ALK: variants seen among roughly 807,000 people sequenced by gnomAD.
The protein encoded by ALK is ALK receptor tyrosine kinase.
A neutral mutation model predicts 163.1 loss-of-function variants in ALK; 74 were observed. That is an observed-to-expected ratio of 0.45 (90% CI 0.38 to 0.55). The LOEUF (loss-of-function observed/expected upper bound fraction) is 0.55. ALK is among the 20% of genes least tolerant of loss of function. The pLI is 0.00. For missense variants in ALK, 2,063 were observed against 2,105.3 expected, an observed-to-expected ratio of 0.98 and a Z score of 0.39; for synonymous variants, 960 against 843.2, an observed-to-expected ratio of 1.14 and a Z score of -2.40.
At chr2:29,898,573 C>T (rs1278173926) in intron 1 of ALK, among the ~76,000 whole-genome samples, 2 of 152,186 alleles carry the variant, frequency 1.3e-5, no homozygotes, top group African/African-American at 2.4e-5. Context: ...TTTTCATTAA[C>T]TTCAAGTTCA....
chr2:29,730,195 G>C (rs957782691), intron 1 of ALK, among the ~76,000 whole-genome samples: 4 of 152,198 alleles, frequency 2.6e-5, no homozygotes, highest in Non-Finnish European at 2.9e-5. Context: ...GGCCTACGGG[G>C]ATTTGGGAGA....
chr2:29,389,651 G>T (rs1669114081), intron 4 of ALK, among the ~76,000 whole-genome samples: 1 of 152,192 alleles, frequency 6.6e-6, no homozygotes, highest in Non-Finnish European at 1.5e-5. Flanking sequence ...TGTTAAATCA[G>T]ACGAGTTTCT....
intron 4 of ALK, among the ~76,000 whole-genome samples, chr2:29,430,246 A>C (rs1161709297): frequency 6.6e-6 from 1 of 152,214 alleles, no homozygotes; most frequent in Non-Finnish European, 1.5e-5. Context: ...GCATACCATC[A>C]GGAAACTGAA....
At chr2:29,776,155 G>C (rs980367800) in intron 1 of ALK, among the ~76,000 whole-genome samples, 4 of 149,976 alleles carry the variant, frequency 2.7e-5, no homozygotes, top group Non-Finnish European at 4.4e-5. Context: ...GACCTTCCTG[G>C]AAGAAGCATG....
At chr2:29,277,595 C>T (rs916250847) in intron 9 of ALK, among the ~76,000 whole-genome samples, 2 of 152,204 alleles carry the variant, frequency 1.3e-5, no homozygotes, top group Non-Finnish European at 2.9e-5. Context: ...CTGTTGTAGC[C>T]GTGGCCAGCA....
intron 3 of ALK, among the ~76,000 whole-genome samples, chr2:29,679,672 A>G (rs999986251): frequency 9.2e-5 from 14 of 152,094 alleles, no homozygotes; most frequent in Non-Finnish European, 1.8e-4. Context: ...ACCCAACAAT[A>G]TAGTTTTATA....
intron 4 of ALK, among the ~76,000 whole-genome samples, chr2:29,530,167 C>T (rs1486688835): frequency 6.7e-6 from 1 of 150,100 alleles, no homozygotes; most frequent in East Asian, 2.0e-4. Flanking sequence ...GGAAAGAGTC[C>T]AGTTTGGACC....
chr2:29,267,837 C>A (rs1665260068), intron 11 of ALK, among the ~76,000 whole-genome samples: 2 of 152,170 alleles, frequency 1.3e-5, no homozygotes, highest in Admixed American at 1.3e-4. Flanking sequence ...GCAGAAGCAG[C>A]AAGTCTGAGA....
At chr2:29,914,399 A>C (rs1667778639) in intron 1 of ALK, among the ~76,000 whole-genome samples, 1 of 152,242 alleles carries the variant, frequency 6.6e-6, no homozygotes, top group Non-Finnish European at 1.5e-5. Flanking sequence ...TTACAACTCC[A>C]GATGGCACCA....
At chr2:29,901,992 T>C (rs1667424718) in intron 1 of ALK, among the ~76,000 whole-genome samples, 1 of 152,186 alleles carries the variant, frequency 6.6e-6, no homozygotes, top group African/African-American at 2.4e-5. Context: ...TAATCCATAA[T>C]TCAGCAAGCT....
intron 2 of ALK, among the ~76,000 whole-genome samples, chr2:29,711,799 G>A (rs938968333): frequency 1.3e-5 from 2 of 152,144 alleles, no homozygotes; most frequent in East Asian, 3.9e-4. Flanking sequence ...CTCTTTCCCT[G>A]TGTGTCTCTC....
intron 2 of ALK, among the ~76,000 whole-genome samples, chr2:29,711,690 C>T (rs1224221749): frequency 6.6e-6 from 1 of 152,002 alleles, no homozygotes; most frequent in African/African-American, 2.4e-5. Context: ...AAGGAGCCAC[C>T]TGCCCAGGGG....
chr2:29,425,362 G>A (rs1368871407), intron 4 of ALK, among the ~76,000 whole-genome samples: 1 of 152,090 alleles, frequency 6.6e-6, no homozygotes, highest in Non-Finnish European at 1.5e-5. Context: ...TACCCAGGAG[G>A]GACAGGCTAT....
At chr2:29,482,357 T>A (rs1293054983) in intron 4 of ALK, among the ~76,000 whole-genome samples, 2 of 152,188 alleles carry the variant, frequency 1.3e-5, no homozygotes, top group African/African-American at 2.4e-5. Context: ...GGATTCTGTG[T>A]ATGAAAGTGG....
At chr2:29,495,526 C>A (rs1427493990) in intron 4 of ALK, among the ~76,000 whole-genome samples, 1 of 152,092 alleles carries the variant, frequency 6.6e-6, no homozygotes, top group Non-Finnish European at 1.5e-5. Flanking sequence ...AGTTACTAGC[C>A]CTGGTGGTTT....
chr2:29,374,290 A>T (rs1344874617), intron 5 of ALK, among the ~76,000 whole-genome samples: 2 of 152,092 alleles, frequency 1.3e-5, no homozygotes, highest in African/African-American at 4.8e-5. Context: ...GAAAATGAAA[A>T]CTCATAGATT....
chr2:29,562,966 C>A (rs1395788715), intron 3 of ALK, among the ~76,000 whole-genome samples: 1 of 152,190 alleles, frequency 6.6e-6, no homozygotes, highest in African/African-American at 2.4e-5. Context: ...CAAATCACAT[C>A]TCCTGCATGG....
At chr2:29,784,943 A>G (rs1034754050) in intron 1 of ALK, among the ~76,000 whole-genome samples, 3 of 149,764 alleles carry the variant, frequency 2.0e-5, no homozygotes, top group Admixed American at 6.8e-5. Context: ...CAGAGGCAGT[A>G]TCTCCTTCCA....
At chr2:29,733,809 G>A (rs530034071) in intron 1 of ALK, among the ~76,000 whole-genome samples, 8 of 152,058 alleles carry the variant, frequency 5.3e-5, no homozygotes, top group South Asian at 2.1e-4. Context: ...ACACACCCAC[G>A]GGGATCCGGC....
Sources: allele counts gnomAD v4.1 joint callset (sites outside exome capture counted in the v4.1 genomes callset), GRCh38; gene constraint gnomAD v4.1.1; transcripts MANE v1.5; gene names NCBI Gene and HGNC (gene_info 2026-07-23, HGNC 2026-07-21).